PTPRN2: variants seen among roughly 807,000 people sequenced by gnomAD.
PTPRN2 encodes receptor-type tyrosine-protein phosphatase N2.
In PTPRN2, 74 loss-of-function variants were observed where a neutral mutation model predicts 118.8. The ratio of observed to expected loss-of-function variants is 0.62; its 90% CI spans 0.52 to 0.76. PTPRN2 has a LOEUF of 0.76. Among genes scored for constraint, PTPRN2 ranks in the 30% least tolerant of loss-of-function variants. The pLI is 0.00. For missense variants in PTPRN2, 1,481 were observed against 1,394.4 expected (o/e 1.06, Z -0.99); for synonymous variants, 641 against 608.0 (o/e 1.05, Z -0.80).
At position 157,929,452 on chromosome 7, in the gene PTPRN2, G is replaced by A. The variant is rs11773008; in HGVS notation, c.1724-30715C>T. On this transcript the variant is annotated intron_variant, in intron 11 of 22. Coordinates refer to ENST00000389418, the MANE Select transcript of PTPRN2 (RefSeq NM_002847.5). This position sits in a 1 kb window ranked among gnomAD's most constrained non-coding sequence, Gnocchi z 4.4. ...TTGTTCCTTTTAGGAGGAAGCCACCGGATCGTTTCCCATGCTTAAGCTCAG... is the reference window on the plus strand; with the variant it reads ...TTGTTCCTTTTAGGAGGAAGCCACCAGATCGTTTCCCATGCTTAAGCTCAG... 0.27 allele frequency among the ~76,000 whole-genome samples: 41,522 copies of A among 151,962 alleles called. 7,039 individuals carry two copies. The highest frequency in any genetic ancestry group is 0.38 in the Non-Finnish European group (26,052 of 67,920).
rs73181279 is a variant in PTPRN2 at position 157,555,870 on chromosome 7, C to T, written c.2903-6851G>A. On this transcript the variant is annotated intron_variant, in intron 21 of 22. Coordinates refer to ENST00000389418, the MANE Select transcript of PTPRN2 (RefSeq NM_002847.5). Reference sequence around the variant, plus strand: ...GATTATTAAGAATCCAGATAAGGAACGAAGTGGAACAGTTCCCGTGCCCCA... The same window carrying T: ...GATTATTAAGAATCCAGATAAGGAATGAAGTGGAACAGTTCCCGTGCCCCA... 4.6e-3 allele frequency among the ~76,000 whole-genome samples: 700 copies of T among 152,320 alleles called. 6 individuals are homozygous for T. Among genetic ancestry groups the T allele is most frequent in the Non-Finnish European group, 6.1e-3 (417 of 68,026 alleles).
intron 2 of PTPRN2, among the ~76,000 whole-genome samples, chr7:158,452,124 C>A (rs997079749): frequency 6.6e-6 from 1 of 152,226 alleles, no homozygotes; most frequent in African/African-American, 2.4e-5. Flanking sequence ...CTTCAATCTG[C>A]CCGTCTGTTC....
intron 3 of PTPRN2, among the ~76,000 whole-genome samples, chr7:158,314,856 AACCCCTGTAGGACAGAGGTGAACCCGGG>A (rs1802166252): frequency 6.8e-6 from 1 of 146,332 alleles, no homozygotes; most frequent in African/African-American, 2.5e-5. Flanking sequence ...GTGAACCCGG[AACCCCTGTAGGACAGAGGTGAACCCGGG>A]ACCCCCTTAA....
intron 2 of PTPRN2, among the ~76,000 whole-genome samples, chr7:158,447,392 G>A (rs1817795720): frequency 6.6e-6 from 1 of 152,168 alleles, no homozygotes; most frequent in East Asian, 1.9e-4. Flanking sequence ...AAAAAAAGAG[G>A]AAGGCAGCTA....
intron 12 of PTPRN2, among the ~76,000 whole-genome samples, chr7:157,791,862 G>A (rs1804524616): frequency 6.6e-6 from 1 of 152,232 alleles, no homozygotes; most frequent in Admixed American, 6.5e-5. Context: ...CAGCACGCTC[G>A]GAGCGCACCC....
chr7:158,138,347 G>T lies in PTPRN2; in HGVS notation c.1079C>A (p.Ser360Tyr), dbSNP rs952118547. Residue 360 changes from serine to tyrosine, a missense_variant, in exon 7 of 23, where the codon TCT becomes TAT. Around this residue, in one of 3 missense-constraint regions of PTPRN2, gnomAD observed 1,115 missense variants for 994.2 expected, o/e 1.12. Coordinates refer to ENST00000389418, the MANE Select transcript of PTPRN2 (RefSeq NM_002847.5). ...CTTGGGGCCATCCGCCTGTTCTCCA[G>T]ACTCTCCCAGGGCCGCTCTCCCAGG... Reference protein sequence around the residue: ...GSPGRAALGESGEQADGPKAT... With the variant: ...GSPGRAALGEYGEQADGPKAT... 1.2e-6 allele frequency: 2 copies of T among 1,613,730 alleles called. No homozygotes were observed. Among genetic ancestry groups the T allele is most frequent in the Admixed American group, 3.3e-5 (2 of 60,024 alleles).
rs1487929876 is a variant in PTPRN2 at position 157,927,114 on chromosome 7, A to AGC, written c.1724-28378_1724-28377insGC. Among the ~76,000 whole-genome samples, 104 of 131,598 alleles carry AGC rather than the reference A, an allele frequency of 7.9e-4. 23 individuals are homozygous for AGC. Among genetic ancestry groups the AGC allele is most frequent in the Admixed American group, 1.9e-3 (25 of 13,504 alleles). 86.3% of individuals were successfully genotyped at this position (131,598 alleles called of 152,430 possible). On this transcript the variant is annotated intron_variant, in intron 11 of 22. Transcript: ENST00000389418. ...AGGAAGCCCCAGGGACCCGTCTGAGAACAGAGGCCTCGCATCTTCTGGGAC... is the reference window on the plus strand; with the variant it reads ...AGGAAGCCCCAGGGACCCGTCTGAGAGCACAGAGGCCTCGCATCTTCTGGGAC...
chr7:158,086,745 C>A (rs6960740), intron 10 of PTPRN2, among the ~76,000 whole-genome samples: 3 of 151,936 alleles, frequency 2.0e-5, no homozygotes, highest in Admixed American at 6.6e-5. Context: ...CTTTATGGCT[C>A]TGTGTGTGTG....
intron 3 of PTPRN2, among the ~76,000 whole-genome samples, chr7:158,210,405 A>T (rs533261337): frequency 6.6e-6 from 1 of 152,164 alleles, no homozygotes; most frequent in Admixed American, 6.5e-5. Context: ...AAAGTGATGC[A>T]TCTTAAAGAA....
In PTPRN2 at chr7:157,801,018, C is replaced by CACACATATATAT. The variant is rs1315608115; in HGVS notation, c.1788+97643_1788+97654dup. Among the ~76,000 whole-genome samples, 3 of 150,190 alleles carry CACACATATATAT rather than the reference C, an allele frequency of 2.0e-5. No homozygotes were observed. The highest frequency in any genetic ancestry group is 6.7e-5 in the Admixed American group (1 of 14,976). On this transcript the variant is annotated intron_variant, in intron 12 of 22. Coordinates refer to ENST00000389418, the MANE Select transcript of PTPRN2 (RefSeq NM_002847.5). This position sits in a 1 kb window ranked among gnomAD's most constrained non-coding sequence, Gnocchi z 4.2. The stretch of plus-strand genomic sequence containing the variant: ...ATATATACACACATATACATATACA[C>CACACATATATAT]ACACATATATATACACATATATATA...
At chr7:157,751,053 G>A (rs1801433351) in intron 12 of PTPRN2, among the ~76,000 whole-genome samples, 1 of 152,234 alleles carries the variant, frequency 6.6e-6, no homozygotes, top group African/African-American at 2.4e-5. Context: ...GCCCAACTCT[G>A]GGAAAACCTC....
intron 2 of PTPRN2, among the ~76,000 whole-genome samples, chr7:158,384,588 A>G (rs921615433): frequency 6.6e-6 from 1 of 152,234 alleles, no homozygotes; most frequent in Non-Finnish European, 1.5e-5. Context: ...AAGCCAAGAC[A>G]GATGAGTATA....
At chr7:157,635,836 A>G (rs1214011659) in intron 14 of PTPRN2, among the ~76,000 whole-genome samples, 2 of 152,230 alleles carry the variant, frequency 1.3e-5, no homozygotes, top group Non-Finnish European at 2.9e-5. Flanking sequence ...TGGCTAGCTT[A>G]CAGTCTCTCA....
chr7:157,824,325 A>G (rs947943330), intron 12 of PTPRN2, among the ~76,000 whole-genome samples: 2 of 152,180 alleles, frequency 1.3e-5, no homozygotes, highest in East Asian at 3.9e-4. Context: ...GCTGCCAGAG[A>G]ACCACAAGAG....
intron 2 of PTPRN2, among the ~76,000 whole-genome samples, chr7:158,444,115 C>T (rs1429549297): frequency 6.6e-6 from 1 of 152,232 alleles, no homozygotes; most frequent in African/African-American, 2.4e-5. Context: ...CTGCCACTCA[C>T]CCCTCCAACA....
chr7:157,774,200 A>G (rs967875611), intron 12 of PTPRN2, among the ~76,000 whole-genome samples: 2 of 152,220 alleles, frequency 1.3e-5, no homozygotes, highest in Non-Finnish European at 2.9e-5. Flanking sequence ...CAGACAATCT[A>G]TTTTTTGAAA....
chr7:158,083,669 C>T (rs1337875344), intron 10 of PTPRN2, among the ~76,000 whole-genome samples: 1 of 152,210 alleles, frequency 6.6e-6, no homozygotes, highest in East Asian at 1.9e-4. Context: ...TGCCGAGCGT[C>T]ACCATTGCGT....
intron 2 of PTPRN2, among the ~76,000 whole-genome samples, chr7:158,440,628 C>G (rs62637546): frequency 1.4e-5 from 2 of 145,046 alleles, no homozygotes; most frequent in Non-Finnish European, 3.0e-5. Context: ...TGGAGGTGGT[C>G]GTGGTGATGA....
intron 12 of PTPRN2, among the ~76,000 whole-genome samples, chr7:157,804,783 C>T (rs139220330): frequency 6.6e-6 from 1 of 152,196 alleles, no homozygotes; most frequent in African/African-American, 2.4e-5. Context: ...ATGATTTCTG[C>T]AGACAGATCC....
Sources: gnomAD v4.1 joint callset for allele counts (sites outside exome capture counted in the v4.1 genomes callset) on GRCh38, gnomAD v4.1.1 for gene constraint, gnomAD v4.1.1 regional missense constraint, Gnocchi (gnomAD v3.1) non-coding constraint, MANE v1.5 for transcripts, NCBI Gene and HGNC (gene_info 2026-07-23, HGNC 2026-07-21) for gene names.